Variants in NCALD observed in about 807,000 individuals in gnomAD.
The protein encoded by NCALD is neurocalcin-delta.
NCALD carries 10 observed loss-of-function variants against 18.6 expected under a neutral mutation model. The observed-to-expected ratio is 0.54, with a 90% confidence interval of 0.33 to 0.91. The LOEUF is 0.91. Among genes scored for constraint, NCALD ranks in the 40% least tolerant of loss-of-function variants. The probability of loss-of-function intolerance (pLI) is 0.03; values close to 1 mark genes in which losing one functional copy is unlikely to be tolerated. For synonymous variants in NCALD, 88 were observed against 87.4 expected, an observed-to-expected ratio of 1.01 and a Z score of -0.04; for missense variants, 184 against 247.6, an observed-to-expected ratio of 0.74 and a Z score of 1.72.
At chr8:102,082,204 G>A (rs1824562750) in intron 1 of NCALD, among the ~76,000 whole-genome samples, 1 of 145,142 alleles carries the variant, frequency 6.9e-6, no homozygotes, top group Non-Finnish European at 1.5e-5. Flanking sequence ...CTTTCAATGG[G>A]CAGTTATTTG....
intron 2 of NCALD, among the ~76,000 whole-genome samples, chr8:101,999,433 A>T (rs764677882): frequency 6.6e-6 from 1 of 152,160 alleles, no homozygotes; most frequent in Non-Finnish European, 1.5e-5. Context: ...AAAACCAAAC[A>T]TCATATGTTC....
chr8:101,881,983 C>T (rs1816508797), intron 4 of NCALD, among the ~76,000 whole-genome samples: 2 of 152,140 alleles, frequency 1.3e-5, no homozygotes, highest in South Asian at 4.1e-4. Flanking sequence ...CAGGGGTGCT[C>T]AACTGAGGGT....
At chr8:102,120,698 A>C (rs768171107) in intron 1 of NCALD, among the ~76,000 whole-genome samples, 7 of 152,182 alleles carry the variant, frequency 4.6e-5, no homozygotes, top group Non-Finnish European at 8.8e-5. Flanking sequence ...AACAGTTTGA[A>C]TGTTGGGGTT....
At chr8:101,994,676 C>T (rs1438598515) in intron 2 of NCALD, among the ~76,000 whole-genome samples, 6 of 152,230 alleles carry the variant, frequency 3.9e-5, no homozygotes, top group Non-Finnish European at 7.3e-5. Context: ...CCTGCCTCTA[C>T]TACATGGTCA....
chr8:101,827,184 T>A (rs117716563), intron 4 of NCALD, among the ~76,000 whole-genome samples: 2,339 of 152,298 alleles, frequency 0.015, 90 homozygotes, highest in East Asian at 0.12. Context: ...TATGGCTGCG[T>A]CACTACAGTC....
At chr8:101,787,832 A>G (rs1040871732) in intron 1 of NCALD, among the ~76,000 whole-genome samples, 8 of 152,210 alleles carry the variant, frequency 5.3e-5, no homozygotes, top group Non-Finnish European at 2.9e-5. Context: ...CAATTGATCA[A>G]TTCACACGTG....
intron 3 of NCALD, among the ~76,000 whole-genome samples, chr8:101,912,371 T>C (rs1817832848): frequency 6.6e-6 from 1 of 152,214 alleles, no homozygotes; most frequent in Non-Finnish European, 1.5e-5. Flanking sequence ...ATTGTTGCTA[T>C]GGAGTTGAGA....
chr8:102,042,748 G>C (rs1015690608), intron 1 of NCALD, among the ~76,000 whole-genome samples: 1 of 150,004 alleles, frequency 6.7e-6, no homozygotes, highest in African/African-American at 2.5e-5. Flanking sequence ...GCAGAAGCTA[G>C]AGATGAAAAC....
chr8:101,768,361 T>A (rs1437094341), intron 1 of NCALD, among the ~76,000 whole-genome samples: 3 of 141,134 alleles, frequency 2.1e-5, no homozygotes, highest in Admixed American at 7.2e-5. Context: ...AGGTCACAGC[T>A]GTAATTAACT....
intron 3 of NCALD, among the ~76,000 whole-genome samples, chr8:101,905,612 C>T (rs1446275626): frequency 6.6e-6 from 1 of 152,140 alleles, no homozygotes; most frequent in Non-Finnish European, 1.5e-5. Context: ...TTACATCCAC[C>T]CTCTACCCCT....
At chr8:101,698,027 T>C (rs552027318) in intron 2 of NCALD, among the ~76,000 whole-genome samples, 7 of 152,196 alleles carry the variant, frequency 4.6e-5, no homozygotes, top group Non-Finnish European at 7.3e-5. Flanking sequence ...ATTCTATATT[T>C]AGAAAACCCC....
At chr8:101,798,508 A>C (rs1469161331) in intron 4 of NCALD, among the ~76,000 whole-genome samples, 1 of 152,224 alleles carries the variant, frequency 6.6e-6, no homozygotes, top group East Asian at 1.9e-4. Context: ...AAATCAAAGA[A>C]GGTTCAAATA....
chr8:101,854,861 C>A (rs1211919369), intron 4 of NCALD, among the ~76,000 whole-genome samples: 1 of 152,112 alleles, frequency 6.6e-6, no homozygotes, highest in Admixed American at 6.5e-5. Context: ...ACACAATAAA[C>A]CTCAATGAGT....
intron 3 of NCALD, among the ~76,000 whole-genome samples, chr8:101,911,357 TTTTC>T (rs1817791849): frequency 7.0e-6 from 1 of 142,110 alleles, no homozygotes; most frequent in Non-Finnish European, 1.5e-5. Flanking sequence ...CTTTTTTTTC[TTTTC>T]TTTTTTTTTT....
At chr8:102,047,277 G>A (rs1823279577) in intron 1 of NCALD, among the ~76,000 whole-genome samples, 1 of 152,140 alleles carries the variant, frequency 6.6e-6, no homozygotes, top group Non-Finnish European at 1.5e-5. Context: ...AGCACAATGA[G>A]TATTTTTTAA....
At chr8:102,011,479 CCCATA>C (rs886117060) in intron 2 of NCALD, among the ~76,000 whole-genome samples, 76 of 152,280 alleles carry the variant, frequency 5.0e-4, no homozygotes, top group African/African-American at 1.8e-3. Context: ...GAAACTGTGT[CCCATA>C]CTTCTTTGTT....
intron 2 of NCALD, among the ~76,000 whole-genome samples, chr8:101,929,522 G>C (rs1287666397): frequency 8.8e-4 from 31 of 35,296 alleles, no homozygotes; most frequent in African/African-American, 3.6e-3. Context: ...AGGGAGGGGG[G>C]AGGGAGGGAG....
chr8:101,840,395 G>T (rs118098497), intron 4 of NCALD, among the ~76,000 whole-genome samples: 1 of 152,144 alleles, frequency 6.6e-6, no homozygotes, highest in Admixed American at 6.5e-5. Flanking sequence ...TGCTTGGTAG[G>T]TCTTGTAATA....
chr8:101,691,011 T>A, intron 3 of NCALD: 1 of 985,442 alleles, frequency 1.0e-6, no homozygotes, highest in Non-Finnish European at 1.2e-6. Context: ...GCCCAGATTT[T>A]TCTTTTCAAA....
Sources: gnomAD v4.1 joint callset for allele counts (sites outside exome capture counted in the v4.1 genomes callset) on GRCh38, gnomAD v4.1.1 for gene constraint, MANE v1.5 for transcripts, NCBI Gene and HGNC (gene_info 2026-07-23, HGNC 2026-07-21) for gene names.